Variants in PALLD observed in about 807,000 individuals in gnomAD.
PALLD encodes the protein palladin, cytoskeletal associated protein.
PALLD carries 61 observed loss-of-function variants against 123.5 expected under a neutral mutation model. The observed-to-expected ratio is 0.49, with a 90% CI of 0.40 to 0.61. The LOEUF is 0.61. PALLD is among the 20% of genes least tolerant of loss of function. PALLD has a pLI of 0.00. For missense variants in PALLD, 1,273 were observed against 1,377.0 expected, an observed-to-expected ratio of 0.92 and a Z score of 1.20; for synonymous variants, 465 against 496.4, an observed-to-expected ratio of 0.94 and a Z score of 0.84.
intron 10 of PALLD, among the ~76,000 whole-genome samples, chr4:168,792,773 T>TG (rs1056507829): frequency 6.6e-5 from 10 of 151,666 alleles, no homozygotes; most frequent in Middle Eastern, 3.4e-3. Context: ...TTTCTTTTTT[T>TG]GTTTTTTTTT....
intron 10 of PALLD, among the ~76,000 whole-genome samples, chr4:168,888,683 C>T (rs889768290): frequency 1.3e-5 from 2 of 152,178 alleles, no homozygotes; most frequent in African/African-American, 4.8e-5. Flanking sequence ...CAGGCTATAT[C>T]GCATGCCTTT....
At chr4:168,654,471 C>T (rs1778361077) in intron 2 of PALLD, among the ~76,000 whole-genome samples, 1 of 152,144 alleles carries the variant, frequency 6.6e-6, no homozygotes, top group African/African-American at 2.4e-5. Context: ...TTCATCATGA[C>T]ATAACGAAAA....
At chr4:168,620,698 CT>C (rs1204690242) in intron 2 of PALLD, among the ~76,000 whole-genome samples, 2 of 152,142 alleles carry the variant, frequency 1.3e-5, no homozygotes, top group Non-Finnish European at 2.9e-5. Context: ...CACACCCTGA[CT>C]TTCTGTCCTT....
intron 2 of PALLD, among the ~76,000 whole-genome samples, chr4:168,626,386 G>A (rs1216965424): frequency 1.3e-4 from 16 of 125,898 alleles, no homozygotes; most frequent in Admixed American, 5.4e-4. Flanking sequence ...GGGCGACAGA[G>A]CGAGACTCCA....
At chr4:168,832,164 G>C (rs747234077) in intron 10 of PALLD, 7 of 985,550 alleles carry the variant, frequency 7.1e-6, no homozygotes, top group Non-Finnish European at 8.4e-6. Flanking sequence ...GCGGCCCGGA[G>C]AGCCGAGGTA....
intron 2 of PALLD, among the ~76,000 whole-genome samples, chr4:168,555,471 T>G (rs1767184339): frequency 6.6e-6 from 1 of 152,198 alleles, no homozygotes; most frequent in Non-Finnish European, 1.5e-5. Flanking sequence ...CAGCGAGCCC[T>G]CTGTGGACCC....
At chr4:168,919,352 C>T (rs1400194900) in intron 17 of PALLD, among the ~76,000 whole-genome samples, 1 of 151,848 alleles carries the variant, frequency 6.6e-6, no homozygotes, top group Non-Finnish European at 1.5e-5. Flanking sequence ...GGTGAAACCC[C>T]GTCTCTACTA....
chr4:168,681,378 A>G lies in PALLD; in HGVS notation c.1134A>G (p.Ser378=). The G allele has an allele frequency of 6.2e-7, 1 of 1,607,706 alleles. No homozygotes were observed. Among genetic ancestry groups the G allele is most frequent in the Non-Finnish European group, 8.5e-7 (1 of 1,174,372 alleles). ...ACAGTGAAAGTTTAGCTTTCAAATC[A>G]AGAGCTGGAGCTATGCCACAGTAAG... ...DSDSESLAFK[S]RAGAMPQAQK... The change falls in exon 4 of 22, where the codon TCA becomes TCG. Residue 378 remains serine (S), a synonymous_variant. Transcript: ENST00000505667.
chr4:168,811,395 A>G (rs1294098923), intron 10 of PALLD, among the ~76,000 whole-genome samples: 3 of 152,106 alleles, frequency 2.0e-5, no homozygotes, highest in African/African-American at 7.2e-5. Flanking sequence ...CTCTTTTGTC[A>G]TGAGTAGATA....
intron 10 of PALLD, among the ~76,000 whole-genome samples, chr4:168,767,191 T>A (rs565856805): frequency 6.6e-6 from 1 of 152,184 alleles, no homozygotes; most frequent in Non-Finnish European, 1.5e-5. Context: ...CTAGACCCTG[T>A]GCTGCTTTTC....
chr4:168,512,087 G>A lies in PALLD; in HGVS notation c.583G>A (p.Gly195Arg), dbSNP rs1762576496. The change falls in exon 2 of 22, where the codon GGG becomes AGG. Residue 195 changes from glycine (G) to arginine (R), a missense_variant. By Grantham distance (125) the Gly-to-Arg change is moderately radical. Transcript: ENST00000505667. ...AAAGCCAAGAAACAGAAGCCCAAAT[G>A]GGGAGTCCTCGTCACCAGACAGTGG... is the stretch of plus-strand genomic sequence containing the variant. ...AAKPRNRSPN[G>R]ESSSPDSGYL... is the part of the protein sequence containing the mutation. 1 of 1,614,100 alleles carries A rather than the reference G, an allele frequency of 6.2e-7. No individual in the cohort carries two copies. The highest frequency in any genetic ancestry group is 8.5e-7 in the Non-Finnish European group (1 of 1,180,038).
intron 10 of PALLD, among the ~76,000 whole-genome samples, chr4:168,831,428 C>G: frequency 6.6e-6 from 1 of 152,126 alleles, no homozygotes; most frequent in East Asian, 1.9e-4. Context: ...CCTAAGGGCT[C>G]CTGAATTTAG....
At chr4:168,651,418 A>T (rs1039854014) in intron 2 of PALLD, among the ~76,000 whole-genome samples, 2 of 152,150 alleles carry the variant, frequency 1.3e-5, no homozygotes, top group African/African-American at 4.8e-5. Context: ...GGTGAGGGAC[A>T]TTCCAGTCAC....
At chr4:168,556,882 G>A (rs560914373) in intron 2 of PALLD, among the ~76,000 whole-genome samples, 1 of 151,682 alleles carries the variant, frequency 6.6e-6, no homozygotes, top group East Asian at 1.9e-4. Context: ...AGAAGAAGTG[G>A]CTACTTCTGC....
intron 2 of PALLD, among the ~76,000 whole-genome samples, chr4:168,534,543 C>G (rs987044642): frequency 6.6e-6 from 1 of 152,142 alleles, no homozygotes; most frequent in South Asian, 2.1e-4. Flanking sequence ...TTCTAATATG[C>G]ATTATGATGA....
intron 2 of PALLD, among the ~76,000 whole-genome samples, chr4:168,659,451 A>T (rs2149968329): frequency 6.6e-6 from 1 of 152,330 alleles, no homozygotes; most frequent in African/African-American, 2.4e-5. Context: ...TAAATTTGCC[A>T]TCCTGAAATC....
intron 4 of PALLD, among the ~76,000 whole-genome samples, chr4:168,681,837 C>A (rs904759800): frequency 6.6e-6 from 1 of 152,044 alleles, no homozygotes; most frequent in Non-Finnish European, 1.5e-5. Flanking sequence ...TAGGCATGAG[C>A]CAACATGTCC....
rs73864665 is a variant in PALLD at position 168,913,630 on chromosome 4, G to T, written c.2623-297G>T. ...TCATGTGTTACGGAGACCTTTGCAG[G>T]TTACAATTAATCAAGGGTTGTCATT... On this transcript the variant is annotated intron_variant, in intron 15 of 21. Coordinates refer to ENST00000505667, the MANE Select transcript of PALLD (RefSeq NM_001166108.2). 2.8e-3 allele frequency among the ~76,000 whole-genome samples: 422 copies of T among 151,904 alleles called. 3 individuals are homozygous for T. The highest frequency in any genetic ancestry group is 0.01 in the African/African-American group (416 of 41,400).
At chr4:168,775,879 G>A (rs984362066) in intron 10 of PALLD, among the ~76,000 whole-genome samples, 1 of 152,100 alleles carries the variant, frequency 6.6e-6, no homozygotes, top group African/African-American at 2.4e-5. Flanking sequence ...ACTCTATTCT[G>A]TTCAATTAGT....
Sources: gnomAD v4.1 joint callset for allele counts (sites outside exome capture counted in the v4.1 genomes callset) on GRCh38, gnomAD v4.1.1 for gene constraint, MANE v1.5 for transcripts, NCBI Gene and HGNC (gene_info 2026-07-23, HGNC 2026-07-21) for gene names.